The following ITPR3 variants were observed in gnomAD, a reference collection of about 807,000 sequenced individuals.
ITPR3 encodes the protein inositol 1,4,5-trisphosphate receptor type 3.
ITPR3 carries 173 observed loss-of-function variants against 293.2 expected under a neutral mutation model. That is an observed-to-expected ratio of 0.59 (90% confidence interval 0.52 to 0.67). The LOEUF (loss-of-function observed/expected upper bound fraction) is 0.67, where lower values mean the gene tolerates loss of function less well. Ranked by LOEUF, ITPR3 falls within the 30% of genes least tolerant of loss-of-function variation. The pLI, the probability that ITPR3 is intolerant of heterozygous loss-of-function variation, is 0.00. For synonymous variants in ITPR3, 1,295 were observed against 1,444.4 expected, an observed-to-expected ratio of 0.90 and a Z score of 2.35; for missense variants, 2,796 against 3,592.1, an observed-to-expected ratio of 0.78 and a Z score of 5.66.
At chr6:33,643,797 G>C (rs1198132051) in intron 2 of ITPR3, among the ~76,000 whole-genome samples, 4 of 152,148 alleles carry the variant, frequency 2.6e-5, no homozygotes, top group East Asian at 3.9e-4. Context: ...TGCATGACTG[G>C]ATGCCCCCTT....
In ITPR3 at chr6:33,683,074, G is replaced by GT. The variant is rs1554139198; in HGVS notation, c.4598-133_4598-132insT. 2 of 57,072 alleles carry GT rather than the reference G, an allele frequency of 3.5e-5. No individual in the cohort carries two copies. Among genetic ancestry groups the GT allele is most frequent in the African/African-American group, 2.3e-4 (2 of 8,660 alleles). 3.5% of individuals were successfully genotyped at this position (57,072 alleles called of 1,614,324 possible). A position where few individuals can be genotyped will look rare whatever the true frequency, so the allele number is the denominator to read the frequency against. ...CAGTCCCTCAAGCATAGGCCGGGGTGGGGGGGGTCTCTGTCTCCCAGACCC... is the reference window on the plus strand; with the variant it reads ...CAGTCCCTCAAGCATAGGCCGGGGTGTGGGGGGGTCTCTGTCTCCCAGACCC... On this transcript the variant is annotated intron_variant, in intron 34 of 57. Transcript: ENST00000605930. The surrounding 1 kb of genome is among the most constrained non-coding windows in gnomAD (Gnocchi z 4.5).
At position 33,667,384 on chromosome 6, in the gene ITPR3, T is replaced by G. The variant is rs1001797562; in HGVS notation, c.1713+94T>G. On this transcript the variant is annotated intron_variant, in intron 15 of 57. Coordinates refer to ENST00000605930, the MANE Select transcript of ITPR3 (RefSeq NM_002224.4). This position sits in a 1 kb window ranked among gnomAD's most constrained non-coding sequence, Gnocchi z 4.4. ...CACATGTGCTGTGCCAGGCACTGTTTTGGGGCCTAGGGTCCAGTAGGGCAC... is the reference window on the plus strand; with the variant it reads ...CACATGTGCTGTGCCAGGCACTGTTGTGGGGCCTAGGGTCCAGTAGGGCAC... 6.8e-7 allele frequency: 1 copy of G among 1,474,158 alleles called. No homozygotes were observed. Among genetic ancestry groups the G allele is most frequent in the Non-Finnish European group, 9.1e-7 (1 of 1,102,624 alleles). 91.3% of individuals were successfully genotyped at this position (1,474,158 alleles called of 1,614,324 possible). A position where few individuals can be genotyped will look rare whatever the true frequency, so the allele number is the denominator to read the frequency against.
chr6:33,682,424 C>T lies in ITPR3; in HGVS notation c.4477-100C>T. 2.2e-6 allele frequency: 3 copies of T among 1,371,136 alleles called. No homozygotes were observed. Among genetic ancestry groups the T allele is most frequent in the Non-Finnish European group, 1.9e-6 (2 of 1,035,512 alleles). 84.9% of individuals were successfully genotyped at this position (1,371,136 alleles called of 1,614,324 possible). On this transcript the variant is annotated intron_variant, in intron 33 of 57. Transcript: ENST00000605930. This position sits in a 1 kb window ranked among gnomAD's most constrained non-coding sequence, Gnocchi z 5.4. ...ATGGTGGCTAGTGAAGGCTCCGTCT[C>T]TCCACCCATGCCCATTCTGATTGGG...
chr6:33,655,744 C>T lies in ITPR3; in HGVS notation c.161-22C>T, dbSNP rs1157308096. 6.2e-7 allele frequency: 1 copy of T among 1,613,780 alleles called. No homozygotes were observed. Among genetic ancestry groups the T allele is most frequent in the Non-Finnish European group, 8.5e-7 (1 of 1,179,812 alleles). On this transcript the variant is annotated intron_variant, in intron 2 of 57. Coordinates refer to ENST00000605930, the MANE Select transcript of ITPR3 (RefSeq NM_002224.4). This position sits in a 1 kb window ranked among gnomAD's most constrained non-coding sequence, Gnocchi z 4.9. ...AGCCCCAGATGAATCATTCCCCTCA[C>T]CCCCAACCTGCCCCACCACAGACTG...
At chr6:33,671,728 G>T (rs9469549) in intron 21 of ITPR3, among the ~76,000 whole-genome samples, 7,013 of 152,180 alleles carry the variant, frequency 0.046, 265 homozygotes, top group South Asian at 0.12. Flanking sequence ...TGTCCTCCCC[G>T]CAGTGTCCTC....
Position 33,672,487 on chromosome 6 carries a change from G to A in ITPR3, c.2928+259G>A, listed in dbSNP as rs892569006. Among the ~76,000 whole-genome samples the A allele has an allele frequency of 3.1e-4, 47 of 152,188 alleles. No homozygotes were observed. The highest frequency in any genetic ancestry group is 1.1e-3 in the African/African-American group (47 of 41,440). ...TAATCCCAGTGCTTTGGGAGGCCAA[G>A]GTGGGAGGACTGCTTGAGCTCAGAG... On this transcript the variant is annotated intron_variant, in intron 22 of 57. Transcript: ENST00000605930. The surrounding 1 kb of genome is among the most constrained non-coding windows in gnomAD (Gnocchi z 5.0).
intron 1 of ITPR3, among the ~76,000 whole-genome samples, chr6:33,635,633 AGT>A (rs1763804381): frequency 6.6e-6 from 1 of 152,144 alleles, no homozygotes; most frequent in African/African-American, 2.4e-5. Context: ...GTGCATACTG[AGT>A]GTGGCAGGAA....
intron 1 of ITPR3, among the ~76,000 whole-genome samples, chr6:33,636,222 A>G (rs929800495): frequency 5.3e-5 from 8 of 151,646 alleles, no homozygotes; most frequent in Non-Finnish European, 1.0e-4. Flanking sequence ...GAATTGCTTG[A>G]ACCTTGGAGG....
Position 33,683,126 on chromosome 6 carries a change from T to A in ITPR3, c.4598-81T>A. 9.3e-7 allele frequency: 1 copy of A among 1,069,934 alleles called. No individual in the cohort carries two copies. The highest frequency in any genetic ancestry group is 1.3e-6 in the Non-Finnish European group (1 of 766,178). The allele number at this position is 1,069,934 out of a possible 1,614,324, so 66.3% of individuals were successfully genotyped here. A position where few individuals can be genotyped will look rare whatever the true frequency, so the allele number is the denominator to read the frequency against. On this transcript the variant is annotated intron_variant, in intron 34 of 57. Transcript: ENST00000605930. This position sits in a 1 kb window ranked among gnomAD's most constrained non-coding sequence, Gnocchi z 4.5. Reference sequence around the variant, plus strand: ...TGGTCTAGTTCACTCTGTCTCCTGGTGTGGCAGCCCTGAGCCTGGCCTCTG... The same window carrying A: ...TGGTCTAGTTCACTCTGTCTCCTGGAGTGGCAGCCCTGAGCCTGGCCTCTG...
In ITPR3 at chr6:33,688,750, CT is replaced by C; in HGVS notation, c.6665del (p.Phe2222SerfsTer69). 1 of 1,614,224 alleles carries C rather than the reference CT, an allele frequency of 6.2e-7. No individual in the cohort carries two copies. Among genetic ancestry groups the C allele is most frequent in the Non-Finnish European group, 8.5e-7 (1 of 1,180,030 alleles). Reference sequence around the variant, plus strand: ...TGTTTATCAACATCATCATTGCCTTCTTCTACCCTTACATGGAGGGCGCGTC... The same window carrying C: ...TGTTTATCAACATCATCATTGCCTTCTCTACCCTTACATGGAGGGCGCGTC... ...AVFINIIIAFFYPYMEGASTG... is the reference protein window; with the variant it reads ...AVFINIIIAFXYPYMEGASTG... On this transcript the variant is annotated frameshift_variant, in exon 49 of 58. Coordinates refer to ENST00000605930, the MANE Select transcript of ITPR3 (RefSeq NM_002224.4). LOFTEE classifies it high-confidence loss of function.
chr6:33,668,218 C>T (rs1320762708), intron 16 of ITPR3, among the ~76,000 whole-genome samples: 1 of 152,242 alleles, frequency 6.6e-6, no homozygotes, highest in Non-Finnish European at 1.5e-5. Context: ...TCTCCAGTGA[C>T]AAAGTCAGAA....
In ITPR3 at chr6:33,624,754, G is replaced by C. The variant is rs1319186751; in HGVS notation, c.89+3063G>C. On this transcript the variant is annotated intron_variant, in intron 1 of 57. Transcript: ENST00000605930. The surrounding 1 kb of genome is among the most constrained non-coding windows in gnomAD (Gnocchi z 4.7). ...AGGGCTGGATAAAAATGAATGTGTT[G>C]AAGGCAGGGGTGGCCTTGGTGGGCA... 3.3e-5 allele frequency among the ~76,000 whole-genome samples: 5 copies of C among 152,226 alleles called. No homozygotes were observed. Among genetic ancestry groups the C allele is most frequent in the Non-Finnish European group, 7.3e-5 (5 of 68,046 alleles).
intron 9 of ITPR3, 118 bp downstream of exon 9, chr6:33,663,124 C>T (rs1764518557): frequency 3.8e-6 from 3 of 781,240 alleles, no homozygotes; most frequent in Non-Finnish European, 6.4e-6. Flanking sequence ...CCTGACTTCT[C>T]TGCACTCATG....
Position 33,657,966 on chromosome 6 carries a change from C to T in ITPR3, c.317C>T (p.Thr106Met), listed in dbSNP as rs200213977. 339 of 1,613,826 alleles carry T rather than the reference C, an allele frequency of 2.1e-4. 1 individual carries two copies. The highest frequency in any genetic ancestry group is 2.6e-4 in the Non-Finnish European group (309 of 1,179,872). ...CAGATGGAGCAGAAGCAAAATGACACGGAGAACAAGAAGGTGCATGGGGAT... is the reference window on the plus strand; with the variant it reads ...CAGATGGAGCAGAAGCAAAATGACATGGAGAACAAGAAGGTGCATGGGGAT... The part of the protein sequence containing the change: ...AAQMEQKQND[T>M]ENKKVHGDVV... Residue 106 changes from threonine to methionine, a missense_variant, in exon 4 of 58, where the codon ACG becomes ATG. Transcript: ENST00000605930.
chr6:33,654,383 C>T lies in ITPR3; in HGVS notation c.161-1383C>T, dbSNP rs1459263632. ...GCAATGCTGAGGGGCCTAGGTGGGGCAGCCCTTGGTGGCTCCATCTGCTTG... is the reference window on the plus strand; with the variant it reads ...GCAATGCTGAGGGGCCTAGGTGGGGTAGCCCTTGGTGGCTCCATCTGCTTG... On this transcript the variant is annotated intron_variant, in intron 2 of 57. Coordinates refer to ENST00000605930, the MANE Select transcript of ITPR3 (RefSeq NM_002224.4). This position sits in a 1 kb window ranked among gnomAD's most constrained non-coding sequence, Gnocchi z 4.1. Among the ~76,000 whole-genome samples the T allele has an allele frequency of 1.3e-5, 2 of 152,198 alleles. No homozygotes were observed. The highest frequency in any genetic ancestry group is 4.8e-5 in the African/African-American group (2 of 41,448).
At chr6:33,647,925 T>G (rs991931429) in intron 2 of ITPR3, among the ~76,000 whole-genome samples, 1 of 152,138 alleles carries the variant, frequency 6.6e-6, no homozygotes, top group African/African-American at 2.4e-5. Flanking sequence ...TGATTGCCAC[T>G]TGCCCCCCGC....
chr6:33,675,267 C>CA lies in ITPR3; in HGVS notation c.3117-419dup, dbSNP rs1764874290. Among the ~76,000 whole-genome samples, 1 of 152,044 alleles carries CA rather than the reference C, an allele frequency of 6.6e-6. No homozygotes were observed. Among genetic ancestry groups the CA allele is most frequent in the South Asian group, 2.1e-4 (1 of 4,826 alleles). Reference sequence around the variant, plus strand: ...TGAAACCCTGTCTCTACTAAAAATACAAAAATTAGCCGGGTGTGTTGGCAC... The same window carrying CA: ...TGAAACCCTGTCTCTACTAAAAATACAAAAAATTAGCCGGGTGTGTTGGCAC... On this transcript the variant is annotated intron_variant, in intron 24 of 57. Coordinates refer to ENST00000605930, the MANE Select transcript of ITPR3 (RefSeq NM_002224.4). The surrounding 1 kb of genome is among the most constrained non-coding windows in gnomAD (Gnocchi z 5.0).
At position 33,693,640 on chromosome 6, in the gene ITPR3, C is replaced by T. The variant is rs757599015; in HGVS notation, c.7720C>T (p.Leu2574=). The T allele has an allele frequency of 6.2e-7, 1 of 1,614,224 alleles. No homozygotes were observed. The highest frequency in any genetic ancestry group is 8.5e-7 in the Non-Finnish European group (1 of 1,180,030). The change falls in exon 56 of 58, where the codon CTG becomes TTG. Residue 2574 remains leucine, a synonymous_variant. Coordinates refer to ENST00000605930, the MANE Select transcript of ITPR3 (RefSeq NM_002224.4). ...NMWNYLYFIV[L]VRVKNKTDYT... ...GTGGAACTACTTGTACTTCATTGTG[C>T]TGGTCCGCGTGAAGAACAAGACCGA...
intron 1 of ITPR3, among the ~76,000 whole-genome samples, chr6:33,635,869 C>CAG: frequency 6.6e-6 from 1 of 151,800 alleles, no homozygotes; most frequent in Middle Eastern, 3.4e-3. Context: ...GAGATGCGAT[C>CAG]AGAGATGTGA....
Sources: gnomAD v4.1 joint callset for allele counts (sites outside exome capture counted in the v4.1 genomes callset) on GRCh38, gnomAD v4.1.1 for gene constraint, Gnocchi (gnomAD v3.1) non-coding constraint, MANE v1.5 for transcripts, NCBI Gene and HGNC (gene_info 2026-07-23, HGNC 2026-07-21) for gene names.